ZIM2: variants seen among roughly 807,000 people sequenced by gnomAD.
ZIM2 encodes the protein zinc finger imprinted 2.
Under a neutral mutation model 38.6 loss-of-function variants are expected in ZIM2, and 14 were observed. The ratio of observed to expected loss-of-function variants is 0.36; its 90% CI spans 0.24 to 0.57. The LOEUF is 0.57. ZIM2 is among the 20% of genes least tolerant of loss of function. The pLI is 0.81. For missense variants in ZIM2, 680 were observed against 695.1 expected (o/e 0.98, Z 0.24); for synonymous variants, 247 against 245.8 (o/e 1.00, Z -0.04).
Position 56,789,863 on chromosome 19 carries a change from C to A in ZIM2, c.570+9G>T. ...TTTGATAACCATGTCAGAGGAAAGCCTGACTCACCTGGGACCCAGCAGATG... is the reference window on the plus strand; with the variant it reads ...TTTGATAACCATGTCAGAGGAAAGCATGACTCACCTGGGACCCAGCAGATG... On this transcript the variant is annotated intron_variant, in intron 10 of 12. Coordinates refer to ENST00000629319, the MANE Select transcript of ZIM2 (RefSeq NM_001387356.1). The A allele has an allele frequency of 6.5e-7, 1 of 1,547,248 alleles. No individual in the cohort carries two copies. The highest frequency in any genetic ancestry group is 1.7e-5 in the Admixed American group (1 of 58,136).
chr19:56,818,724 T>A (rs1449523187), intron 7 of ZIM2, 22 bp from the exon 8 acceptor site: 1 of 1,606,776 alleles, frequency 6.2e-7, no homozygotes, highest in South Asian at 1.1e-5. Context: ...AACACAGACC[T>A]CTCAATGGAG....
chr19:56,829,006 A>C (rs1038409051), intron 2 of ZIM2, among the ~76,000 whole-genome samples: 3 of 152,186 alleles, frequency 2.0e-5, no homozygotes, highest in African/African-American at 7.2e-5. Context: ...TTCTCCATTT[A>C]AGAACAAATA....
chr19:56,781,454 G>A (rs933869907), intron 11 of ZIM2, among the ~76,000 whole-genome samples: 73 of 152,130 alleles, frequency 4.8e-4, no homozygotes, highest in African/African-American at 1.7e-3. Context: ...GGAGCTCCTG[G>A]AATTTTTAGC....
At position 56,814,824 on chromosome 19, in the gene ZIM2, C is replaced by T; in HGVS notation, c.490+2922G>A. The T allele has an allele frequency of 6.2e-7, 1 of 1,614,222 alleles. No homozygotes were observed. The highest frequency in any genetic ancestry group is 1.3e-5 in the African/African-American group (1 of 75,050). On this transcript the variant is annotated intron_variant, in intron 9 of 12. Transcript: ENST00000629319. The surrounding 1 kb of genome is among the most constrained non-coding windows in gnomAD (Gnocchi z 5.8). ...CTGCAGCACGATTCCTCCGTGGCTT[C>T]ATGGGCAAGAGGGCAATAAAACCAT... is the stretch of plus-strand genomic sequence containing the variant.
chr19:56,822,543 T>G (rs2060601122), intron 6 of ZIM2: 1 of 538,680 alleles, frequency 1.9e-6, no homozygotes, highest in Non-Finnish European at 3.2e-6. Flanking sequence ...AGCAAATAGT[T>G]TAGGTGGCAA....
chr19:56,797,887 T>C (rs1230852078), intron 9 of ZIM2: 4 of 152,216 alleles, frequency 2.6e-5, no homozygotes, highest in Non-Finnish European at 5.9e-5. Flanking sequence ...ATATCGGTTT[T>C]GTGCACAGTA....
chr19:56,811,850 T>C, intron 9 of ZIM2: 4 of 985,564 alleles, frequency 4.1e-6, no homozygotes, highest in Non-Finnish European at 4.8e-6. Flanking sequence ...CCTTCTACAG[T>C]TCTTGCCTCT....
chr19:56,822,212 G>A (rs1366052151), intron 6 of ZIM2, among the ~76,000 whole-genome samples: 5 of 152,232 alleles, frequency 3.3e-5, no homozygotes, highest in Admixed American at 3.3e-4. Flanking sequence ...CAATTTTAGG[G>A]TGCCCTGCTG....
At chr19:56,820,604 C>T (rs965631277) in intron 7 of ZIM2, among the ~76,000 whole-genome samples, 7 of 152,182 alleles carry the variant, frequency 4.6e-5, no homozygotes, top group African/African-American at 1.7e-4. Context: ...CAACACCTGA[C>T]CCGGCGTGCT....
Position 56,775,154 on chromosome 19 carries a change from CTGT to C in ZIM2, c.1208_1210del (p.Asn403del). 7 of 1,614,132 alleles carry C rather than the reference CTGT, an allele frequency of 4.3e-6. No homozygotes were observed. The highest frequency in any genetic ancestry group is 5.9e-6 in the Non-Finnish European group (7 of 1,180,038). ...CCTACCAGAATGGGTCTTCTGATGT[CTGT>C]TGAGGTGTGGCATGAGATAGAAGGC... On this transcript the variant is annotated inframe_deletion, in exon 13 of 13. Coordinates refer to ENST00000629319, the MANE Select transcript of ZIM2 (RefSeq NM_001387356.1).
Position 56,789,940 on chromosome 19 carries a change from G to A in ZIM2, c.502C>T (p.Gln168Ter), listed in dbSNP as rs1326840835. The A allele has an allele frequency of 2.6e-6, 4 of 1,561,784 alleles. No individual in the cohort carries two copies. Among genetic ancestry groups the A allele is most frequent in the Non-Finnish European group, 2.6e-6 (3 of 1,144,516 alleles). The change falls in exon 10 of 13, where the codon CAG (glutamine) becomes TAG (stop). Residue 168 changes from glutamine to a stop codon, truncating the protein, a stop_gained. Transcript: ENST00000629319. LOFTEE classifies it high-confidence loss of function. ...CTCTTTTCTGCAGGGACAGAGTCCT[G>A]AGCAAGGAAACCTAGAAGGGAGAGA... ...YPSTSRGFLAQDSVPAEKRNT... is the reference protein window; with the variant it reads ...YPSTSRGFLA
At chr19:56,812,579 A>G (rs908665080) in intron 9 of ZIM2, 1 of 985,736 alleles carries the variant, frequency 1.0e-6, no homozygotes, top group Non-Finnish European at 1.2e-6. Flanking sequence ...CAGGGGACCC[A>G]AGCCATGTTG....
At chr19:56,817,662 T>A in intron 9 of ZIM2, 84 bp downstream of exon 9, 1 of 1,516,428 alleles carries the variant, frequency 6.6e-7, no homozygotes, top group Non-Finnish European at 9.1e-7. Context: ...CCTTCTGTGA[T>A]GTTTAGGAAT....
At chr19:56,813,909 T>C (rs2059724664) in intron 9 of ZIM2, 1 of 1,614,104 alleles carries the variant, frequency 6.2e-7, no homozygotes, top group Non-Finnish European at 8.5e-7. Flanking sequence ...TGAAGGTTTC[T>C]GTGCATTCAT....
chr19:56,838,856 CCT>C (rs2062558597), intron 1 of ZIM2, among the ~76,000 whole-genome samples: 1 of 152,194 alleles, frequency 6.6e-6, no homozygotes, highest in African/African-American at 2.4e-5. Context: ...CCCGCCCCTC[CCT>C]GTGGACAACC....
At chr19:56,784,370 TA>T (rs1206166353) in intron 10 of ZIM2, among the ~76,000 whole-genome samples, 6 of 152,156 alleles carry the variant, frequency 3.9e-5, no homozygotes, top group South Asian at 2.1e-4. Flanking sequence ...ATTATTATAT[TA>T]AAAAAAGATT....
Position 56,818,604 on chromosome 19 carries a change from G to C in ZIM2, c.393C>G (p.Ser131=). Residue 131 remains serine, a synonymous_variant, in exon 8 of 13, where the codon TCC becomes TCG. Transcript: ENST00000629319. ...DNMENYRKLL[S]LGVQLAEDDG... ...CTGAGAGAAGCAGCTGCTTACCGAG[G>C]GAGAGCAGCTTCCTGTAGTTTTCCA... 3 of 1,614,092 alleles carry C rather than the reference G, an allele frequency of 1.9e-6. No homozygotes were observed. Among genetic ancestry groups the C allele is most frequent in the Non-Finnish European group, 2.5e-6 (3 of 1,180,022 alleles).
At chr19:56,838,406 G>A (rs886365463) in intron 1 of ZIM2, among the ~76,000 whole-genome samples, 1 of 152,312 alleles carries the variant, frequency 6.6e-6, no homozygotes, top group South Asian at 2.1e-4. Flanking sequence ...GTGAGGGGCA[G>A]TGGAGGTGAG....
At chr19:56,788,070 T>G (rs1322981767) in intron 10 of ZIM2, among the ~76,000 whole-genome samples, 1 of 151,810 alleles carries the variant, frequency 6.6e-6, no homozygotes, top group African/African-American at 2.4e-5. Context: ...GTCATTGATT[T>G]TTTTTGAAGG....
Sources: allele counts gnomAD v4.1 joint callset (sites outside exome capture counted in the v4.1 genomes callset), GRCh38; gene constraint gnomAD v4.1.1; non-coding constraint Gnocchi (gnomAD v3.1); transcripts MANE v1.5; gene names NCBI Gene and HGNC (gene_info 2026-07-23, HGNC 2026-07-21).